CLCA4: variants seen among roughly 807,000 people sequenced by gnomAD.
The protein encoded by CLCA4 is calcium-activated chloride channel regulator 4.
Under a neutral mutation model 78.9 loss-of-function variants are expected in CLCA4, and 69 were observed. The observed-to-expected ratio is 0.87, with a 90% CI of 0.72 to 1.07. CLCA4 has a LOEUF of 1.07. Ranked by LOEUF, CLCA4 falls within the 50% of genes least tolerant of loss-of-function variation. CLCA4 has a pLI of 0.00. For missense variants in CLCA4, 1,133 were observed against 1,095.8 expected (o/e 1.03, Z -0.48); for synonymous variants, 362 against 375.8 (o/e 0.96, Z 0.42).
chr1:86,558,365 G>T (rs1649911327), intron 1 of CLCA4, among the ~76,000 whole-genome samples: 1 of 152,216 alleles, frequency 6.6e-6, no homozygotes, highest in Admixed American at 6.5e-5. Flanking sequence ...TATATTTAGT[G>T]CTTCTTTCAA....
chr1:86,567,680 G>T (rs1650243393), intron 7 of CLCA4, 29 bp downstream of exon 7: 1 of 1,580,196 alleles, frequency 6.3e-7, no homozygotes, highest in South Asian at 1.1e-5. Flanking sequence ...ATATATTTTG[G>T]TTTTTGTTTC....
chr1:86,556,530 G>A (rs1649850108), intron 1 of CLCA4, among the ~76,000 whole-genome samples: 1 of 152,178 alleles, frequency 6.6e-6, no homozygotes, highest in African/African-American at 2.4e-5. Flanking sequence ...TCCTGGAGAT[G>A]ATGCTTACTT....
At chr1:86,548,216 A>G (rs1388132766) in intron 1 of CLCA4, among the ~76,000 whole-genome samples, 2 of 152,026 alleles carry the variant, frequency 1.3e-5, no homozygotes, top group Non-Finnish European at 1.5e-5. Flanking sequence ...ACTTTTTCAT[A>G]TACTTGTTGG....
chr1:86,552,669 A>T (rs967629935), intron 1 of CLCA4: 1 of 912,116 alleles, frequency 1.1e-6, no homozygotes, highest in Non-Finnish European at 1.8e-6. Context: ...CCCAGATCGG[A>T]CTTGCAGATG....
At position 86,569,966 on chromosome 1, in the gene CLCA4, A is replaced by G. The variant is rs541311055; in HGVS notation, c.1183-1111A>G. Among the ~76,000 whole-genome samples the G allele has an allele frequency of 8.2e-4, 124 of 152,104 alleles. 1 individual carries two copies. The highest frequency in any genetic ancestry group is 1.4e-3 in the Non-Finnish European group (93 of 67,920). On this transcript the variant is annotated intron_variant, in intron 7 of 13. Transcript: ENST00000370563. ...CTTTGGATCTTCATTTTGTACTTAA[A>G]TGCGTGGGAGAAGTGTGATGGAGAT...
chr1:86,561,791 C>T (rs1189618100), intron 3 of CLCA4, among the ~76,000 whole-genome samples: 1 of 152,114 alleles, frequency 6.6e-6, no homozygotes, highest in Non-Finnish European at 1.5e-5. Flanking sequence ...GTATCCCACA[C>T]CTCAACCCTA....
chr1:86,557,585 G>C (rs1012693021), intron 1 of CLCA4, among the ~76,000 whole-genome samples: 1 of 152,110 alleles, frequency 6.6e-6, no homozygotes, highest in Non-Finnish European at 1.5e-5. Flanking sequence ...AATGTGTTTA[G>C]TATGATTTCA....
chr1:86,568,749 T>G (rs1353872984), intron 7 of CLCA4, among the ~76,000 whole-genome samples: 1 of 151,942 alleles, frequency 6.6e-6, no homozygotes, highest in East Asian at 1.9e-4. Flanking sequence ...TTAAAATGCT[T>G]CCTTTTCTCC....
intron 3 of CLCA4, 81 bp downstream of exon 3, chr1:86,560,439 G>C (rs778229190): frequency 5.1e-5 from 72 of 1,408,300 alleles, no homozygotes; most frequent in African/African-American, 7.2e-5. Context: ...CAGGCCATGG[G>C]GCCAAAGTCC....
chr1:86,560,263 C>T lies in CLCA4; in HGVS notation c.353C>T (p.Thr118Ile). The change falls in exon 3 of 14, where the codon ACC becomes ATC. Residue 118 changes from threonine to isoleucine, a missense_variant. Physicochemically the swap from Thr to Ile is moderately conservative, Grantham distance 89. Coordinates refer to ENST00000370563, the MANE Select transcript of CLCA4 (RefSeq NM_012128.4). ...PTLPGRDEPYTKQFTECGEKG... is the reference protein window; with the variant it reads ...PTLPGRDEPYIKQFTECGEKG... The stretch of plus-strand genomic sequence containing the variant: ...CTCCCAGGTAGAGATGAACCATACA[C>T]CAAGCAGTTCACAGAATGTGGAGAG... The T allele has an allele frequency of 6.2e-7, 1 of 1,613,986 alleles. No individual in the cohort carries two copies. The highest frequency in any genetic ancestry group is 1.6e-4 in the Middle Eastern group (1 of 6,062).
intron 4 of CLCA4, among the ~76,000 whole-genome samples, chr1:86,564,967 T>G (rs1365741924): frequency 1.3e-5 from 2 of 152,020 alleles, no homozygotes; most frequent in African/African-American, 4.8e-5. Context: ...CTATAGCATA[T>G]TTACCACCAA....
Position 86,547,255 on chromosome 1 carries a change from G to A in CLCA4, c.136G>A (p.Glu46Lys). 1.3e-6 allele frequency: 2 copies of A among 1,590,222 alleles called. No homozygotes were observed. The highest frequency in any genetic ancestry group is 1.9e-5 in the Admixed American group (1 of 54,024). Residue 46 changes from glutamate (E) to lysine (K), a missense_variant, in exon 1 of 14, where the codon GAA becomes AAA. Transcript: ENST00000370563. Reference protein sequence around the residue: ...IVIDPSVPEDEKIIEQIEDMV... With the variant: ...IVIDPSVPEDKKIIEQIEDMV... ...TATAGATCCTAGTGTGCCAGAAGATGAAAAAATAATTGAACAAATAGAGGT... is the reference window on the plus strand; with the variant it reads ...TATAGATCCTAGTGTGCCAGAAGATAAAAAAATAATTGAACAAATAGAGGT...
rs908124082 is a variant in CLCA4 at position 86,565,941 on chromosome 1, C to G, written c.875C>G (p.Pro292Arg). 4 of 1,613,168 alleles carry G rather than the reference C, an allele frequency of 2.5e-6. No individual in the cohort carries two copies. In the Admixed American group the frequency reaches 5.0e-5, roughly 20 times the overall value. ...AACACCATACCCATGGTGACACCACCTCCTCCACCTGTCTTCTCATTGCTG... is the reference window on the plus strand; with the variant it reads ...AACACCATACCCATGGTGACACCACGTCCTCCACCTGTCTTCTCATTGCTG... ...FKNTIPMVTP[P>R]PPPVFSLLKI... is the part of the protein sequence containing the mutation. Residue 292 changes from proline (P) to arginine (R), a missense_variant, in exon 6 of 14, where the codon CCT becomes CGT. Transcript: ENST00000370563.
intron 1 of CLCA4, among the ~76,000 whole-genome samples, chr1:86,559,296 T>A (rs1033177933): frequency 1.1e-4 from 17 of 152,156 alleles, no homozygotes; most frequent in Non-Finnish European, 1.5e-4. Flanking sequence ...TGGGTTTTTT[T>A]TCATCACACC....
At position 86,552,812 on chromosome 1, in the gene CLCA4, C is replaced by T. The variant is rs1649706748; in HGVS notation, c.159+5534C>T. The stretch of plus-strand genomic sequence containing the variant: ...CTGTCCACGCCTGAAAACAGCTCTT[C>T]CATGTAGCGGGGGATTTTAGTCTCC... On this transcript the variant is annotated intron_variant, in intron 1 of 13. Coordinates refer to ENST00000370563, the MANE Select transcript of CLCA4 (RefSeq NM_012128.4). The T allele has an allele frequency of 1.0e-5, 10 of 997,178 alleles. No individual in the cohort carries two copies. In the East Asian group the frequency reaches 2.2e-4, roughly 22 times the overall value. The allele number at this position is 997,178 out of a possible 1,614,324, so 61.8% of individuals were successfully genotyped here. A position where few individuals can be genotyped will look rare whatever the true frequency, so the allele number is the denominator to read the frequency against.
At chr1:86,553,265 G>A (rs563188559) in intron 1 of CLCA4, 6 of 862,452 alleles carry the variant, frequency 7.0e-6, no homozygotes, top group Admixed American at 4.0e-5. Context: ...ACGAGGACAC[G>A]GTCTTCAAGC....
chr1:86,570,293 T>C lies in CLCA4; in HGVS notation c.1183-784T>C, dbSNP rs146119382. ...TGGAATCAAGGTCTCAAAATGGTGC[T>C]CCAAGATGCCACCACCAATTAAAAC... is the stretch of plus-strand genomic sequence containing the variant. On this transcript the variant is annotated intron_variant, in intron 7 of 13. Transcript: ENST00000370563. Among the ~76,000 whole-genome samples the C allele has an allele frequency of 1.3e-3, 193 of 152,046 alleles. 1 individual carries two copies. The highest frequency in any genetic ancestry group is 2.1e-3 in the Non-Finnish European group (144 of 67,924).
chr1:86,551,765 C>G (rs1025694644), intron 1 of CLCA4, among the ~76,000 whole-genome samples: 1 of 152,138 alleles, frequency 6.6e-6, no homozygotes, highest in Non-Finnish European at 1.5e-5. Flanking sequence ...AACTGGTGCC[C>G]GTGATCTCCA....
Position 86,579,360 on chromosome 1 carries a change from T to C in CLCA4, c.2129T>C (p.Ile710Thr), listed in dbSNP as rs1465604489. The change falls in exon 13 of 14, where the codon ATT (isoleucine) becomes ACT (threonine). Residue 710 changes from isoleucine to threonine, a missense_variant. Coordinates refer to ENST00000370563, the MANE Select transcript of CLCA4 (RefSeq NM_012128.4). ...CAGGAAATGTTTAATGCAGGGGAAA[T>C]TGAAGCAAACCCGCCAAGACCTGAA... is the stretch of plus-strand genomic sequence containing the variant. ...YIPGWVVNGEIEANPPRPEID... is the reference protein window; with the variant it reads ...YIPGWVVNGETEANPPRPEID... 3.1e-6 allele frequency: 5 copies of C among 1,612,646 alleles called. No homozygotes were observed. Among genetic ancestry groups the C allele is most frequent in the East Asian group, 2.2e-5 (1 of 44,822 alleles).
Sources: gnomAD v4.1 joint callset for allele counts (sites outside exome capture counted in the v4.1 genomes callset) on GRCh38, gnomAD v4.1.1 for gene constraint, MANE v1.5 for transcripts, NCBI Gene and HGNC (gene_info 2026-07-23, HGNC 2026-07-21) for gene names.